Variants in AOPEP observed in about 807,000 individuals in gnomAD.
AOPEP encodes the protein aminopeptidase O (putative).
A neutral mutation model predicts 98.1 loss-of-function variants in AOPEP; 77 were observed. That is an observed-to-expected ratio of 0.78 (90% confidence interval 0.65 to 0.95). The LOEUF is 0.95. Ranked by LOEUF, AOPEP falls within the 40% of genes least tolerant of loss-of-function variation. The probability of loss-of-function intolerance (pLI) is 0.00; values close to 1 mark genes in which losing one functional copy is unlikely to be tolerated. For missense variants in AOPEP, 1,024 were observed against 1,024.7 expected, an observed-to-expected ratio of 1.00 and a Z score of 0.01; for synonymous variants, 346 against 365.3, an observed-to-expected ratio of 0.95 and a Z score of 0.60.
the AOPEP span, chr9:95,110,959 T>C: frequency 2.9e-6 from 4 of 1,395,476 alleles, no homozygotes; most frequent in Non-Finnish European, 3.7e-6. Context: ...TAATATCATC[T>C]GATTACTTTA....
intron 5 of AOPEP, among the ~76,000 whole-genome samples, chr9:94,805,184 C>G (rs974331048): frequency 7.0e-6 from 1 of 143,074 alleles, no homozygotes; most frequent in Admixed American, 6.9e-5. Context: ...TTTTTTTTTT[C>G]TTGGGACCGT....
At chr9:94,737,208 C>T (rs184405296) in intron 1 of AOPEP, among the ~76,000 whole-genome samples, 17 of 152,058 alleles carry the variant, frequency 1.1e-4, no homozygotes, top group African/African-American at 2.4e-5. Context: ...TGGGCTCAAG[C>T]GATCCTTTGC....
chr9:95,101,920 G>T, the AOPEP span: 3 of 1,571,240 alleles, frequency 1.9e-6, no homozygotes, highest in Non-Finnish European at 1.7e-6. Context: ...GTCCAGGGAC[G>T]GACCATAACC....
chr9:94,935,323 G>A (rs1222292131), intron 7 of AOPEP: 4 of 152,228 alleles, frequency 2.6e-5, no homozygotes, highest in South Asian at 2.1e-4. Context: ...CTGCAGAACC[G>A]TGAGCCAATT....
chr9:94,983,293 G>A (rs1181389802), intron 11 of AOPEP, among the ~76,000 whole-genome samples: 1 of 152,142 alleles, frequency 6.6e-6, no homozygotes, highest in East Asian at 1.9e-4. Flanking sequence ...GAAGTGCTGG[G>A]ATTACAGATG....
chr9:95,046,656 G>A (rs927670775), intron 13 of AOPEP, among the ~76,000 whole-genome samples: 14 of 152,166 alleles, frequency 9.2e-5, no homozygotes, highest in Non-Finnish European at 1.5e-4. Context: ...GGGGAACATA[G>A]GGAAGGATAA....
intron 5 of AOPEP, among the ~76,000 whole-genome samples, chr9:94,883,361 G>A (rs949827131): frequency 2.6e-5 from 4 of 152,208 alleles, no homozygotes; most frequent in African/African-American, 7.2e-5. Context: ...GCTACCACAT[G>A]AGCAGATAAG....
rs184046048 is a variant in AOPEP at position 95,075,407 on chromosome 9, G to A, written c.2233-5287G>A. Among the ~76,000 whole-genome samples, 293 of 152,192 alleles carry A rather than the reference G, an allele frequency of 1.9e-3. 2 individuals are homozygous for A. Among genetic ancestry groups the A allele is most frequent in the African/African-American group, 6.0e-3 (248 of 41,524 alleles). Reference sequence around the variant, plus strand: ...GCAATTAAGAAATACAAGCAAAACCGCCATGAACAAAGTCAGACAGATTGA... The same window carrying A: ...GCAATTAAGAAATACAAGCAAAACCACCATGAACAAAGTCAGACAGATTGA... On this transcript the variant is annotated intron_variant, in intron 14 of 16. Coordinates refer to ENST00000375315, the MANE Select transcript of AOPEP (RefSeq NM_001193329.3).
chr9:95,104,875 C>G, the AOPEP span, among the ~76,000 whole-genome samples: 151 of 152,304 alleles, frequency 9.9e-4, 2 homozygotes, highest in African/African-American at 3.6e-3. Flanking sequence ...CCCAGCCCCC[C>G]ATAAGCACCT....
At chr9:94,731,417 G>A (rs1005931445) in intron 1 of AOPEP, among the ~76,000 whole-genome samples, 2 of 151,970 alleles carry the variant, frequency 1.3e-5, no homozygotes, top group East Asian at 1.9e-4. Flanking sequence ...TAGTAGAGAT[G>A]GGGTTTCACT....
At chr9:94,754,674 T>G (rs1162041715) in intron 1 of AOPEP, among the ~76,000 whole-genome samples, 1 of 152,246 alleles carries the variant, frequency 6.6e-6, no homozygotes, top group East Asian at 1.9e-4. Flanking sequence ...ACCTGCTGTG[T>G]TGAGGATACT....
At chr9:94,777,927 A>G (rs957685527) in intron 3 of AOPEP, among the ~76,000 whole-genome samples, 5 of 152,114 alleles carry the variant, frequency 3.3e-5, no homozygotes, top group East Asian at 1.9e-4. Context: ...CCTGGCCTAT[A>G]AAGTATTCTT....
At chr9:95,074,509 T>C (rs2068836796) in intron 14 of AOPEP, among the ~76,000 whole-genome samples, 1 of 152,188 alleles carries the variant, frequency 6.6e-6, no homozygotes, top group African/African-American at 2.4e-5. Flanking sequence ...TTTCCAACAG[T>C]ATAAATTGCG....
chr9:95,074,884 G>A (rs1251581994), intron 14 of AOPEP, among the ~76,000 whole-genome samples: 1 of 152,248 alleles, frequency 6.6e-6, no homozygotes, highest in Admixed American at 6.5e-5. Flanking sequence ...CAGCGGCAGA[G>A]GGAAGAGATG....
chr9:95,143,317 T>C, the AOPEP span, among the ~76,000 whole-genome samples: 2 of 152,144 alleles, frequency 1.3e-5, no homozygotes, highest in Non-Finnish European at 2.9e-5. Context: ...TTAGGTTTTT[T>C]ATGGAGGTCT....
At chr9:94,768,446 C>T (rs1840120917) in intron 2 of AOPEP, among the ~76,000 whole-genome samples, 1 of 152,236 alleles carries the variant, frequency 6.6e-6, no homozygotes, top group Admixed American at 6.5e-5. Context: ...CAATCCCTTA[C>T]ACGTTTGGTT....
At chr9:94,771,607 G>A (rs1042231826) in intron 2 of AOPEP, among the ~76,000 whole-genome samples, 1 of 152,138 alleles carries the variant, frequency 6.6e-6, no homozygotes, top group African/African-American at 2.4e-5. Flanking sequence ...TTTGGCCAGT[G>A]GGGGCCACTG....
intron 5 of AOPEP, among the ~76,000 whole-genome samples, chr9:94,819,714 G>A (rs949195602): frequency 6.6e-6 from 1 of 151,830 alleles, no homozygotes; most frequent in African/African-American, 2.4e-5. Flanking sequence ...GGGACTACAG[G>A]CATGTGCCAC....
At chr9:94,903,327 A>C (rs1016269242) in intron 5 of AOPEP, among the ~76,000 whole-genome samples, 4 of 152,028 alleles carry the variant, frequency 2.6e-5, no homozygotes, top group African/African-American at 9.7e-5. Context: ...GGTTTCTTGA[A>C]GTATCTCTGC....
Sources: gnomAD v4.1 joint callset for allele counts (sites outside exome capture counted in the v4.1 genomes callset) on GRCh38, gnomAD v4.1.1 for gene constraint, MANE v1.5 for transcripts, NCBI Gene and HGNC (gene_info 2026-07-23, HGNC 2026-07-21) for gene names.